Variants in GOLT1B observed in about 807,000 individuals in gnomAD.
GOLT1B encodes golgi transport 1B, also known as vesicle transport protein GOT1B.
In GOLT1B, 3 loss-of-function variants were observed where a neutral mutation model predicts 15.4. That is an observed-to-expected ratio of 0.19 (90% CI 0.09 to 0.50). GOLT1B has a LOEUF of 0.50. GOLT1B is among the 20% of genes least tolerant of loss of function. The probability of loss-of-function intolerance (pLI) is 0.97; values close to 1 mark genes in which losing one functional copy is unlikely to be tolerated. For missense variants in GOLT1B, 145 were observed against 160.4 expected, an observed-to-expected ratio of 0.90 and a Z score of 0.52; for synonymous variants, 65 against 56.2, an observed-to-expected ratio of 1.16 and a Z score of -0.70.
intron 4 of GOLT1B, among the ~76,000 whole-genome samples, chr12:21,512,943 A>G (rs7135694): frequency 0.91 from 138,634 of 152,010 alleles, 63,320 homozygotes; most frequent in Non-Finnish European, 0.93. Context: ...TGGTATGCCT[A>G]TAGTCCCAGC....
Position 21,501,927 on chromosome 12 carries a change from A to T in GOLT1B, c.4A>T (p.Ile2Phe), listed in dbSNP as rs1425838291. The T allele has an allele frequency of 1.2e-6, 2 of 1,608,502 alleles. No homozygotes were observed. Among genetic ancestry groups the T allele is most frequent in the Non-Finnish European group, 1.7e-6 (2 of 1,175,104 alleles). The change falls in exon 1 of 5, where the codon ATC (isoleucine) becomes TTC (phenylalanine). Residue 2 changes from isoleucine (I) to phenylalanine (F), a missense_variant. Physicochemically the swap from Ile to Phe is conservative, Grantham distance 21 (BLOSUM62 0). Transcript: ENST00000229314. M[I>F]SLTDTQKIGM... Reference sequence around the variant, plus strand: ...CGCTGTCCCCACCACTGCAGCCATGATCTCCTTAACGGACACGCAGAGTAA... The same window carrying T: ...CGCTGTCCCCACCACTGCAGCCATGTTCTCCTTAACGGACACGCAGAGTAA...
chr12:21,506,712 ATAAT>A (rs1314423644), intron 1 of GOLT1B, among the ~76,000 whole-genome samples, 169 bp from the exon 2 acceptor site: 1 of 152,052 alleles, frequency 6.6e-6, no homozygotes, highest in African/African-American at 2.4e-5. Flanking sequence ...TAATTTGCTG[ATAAT>A]TAATTTGTTA....
Position 21,508,458 on chromosome 12 carries a change from A to G in GOLT1B, c.193A>G (p.Met65Val), listed in dbSNP as rs762173690. 33 of 1,595,282 alleles carry G rather than the reference A, an allele frequency of 2.1e-5. No individual in the cohort carries two copies. The highest frequency in any genetic ancestry group is 2.8e-5 in the Non-Finnish European group (33 of 1,163,828). ...TFRFFFQKHK[M>V]KATGFFLGGV... ...CAGATTCTTCTTCCAAAAACATAAA[A>G]TGAAAGCTACAGGTTTTTTTCTGGG... The change falls in exon 3 of 5, where the codon ATG becomes GTG. Residue 65 changes from methionine to valine, a missense_variant. Physicochemically the swap from Met to Val is conservative, Grantham distance 21. Coordinates refer to ENST00000229314, the MANE Select transcript of GOLT1B (RefSeq NM_016072.5).
chr12:21,508,627 A>G, intron 3 of GOLT1B, 66 bp downstream of exon 3: 3 of 789,824 alleles, frequency 3.8e-6, no homozygotes, highest in Non-Finnish European at 6.5e-6. Context: ...AAACTCAGAT[A>G]TTTGCATCAG....
At chr12:21,509,923 A>C (rs1943707925) in intron 3 of GOLT1B, among the ~76,000 whole-genome samples, 1 of 152,206 alleles carries the variant, frequency 6.6e-6, no homozygotes, top group Non-Finnish European at 1.5e-5. Context: ...ACTTTCTTTG[A>C]TGACTTGTTG....
At chr12:21,514,828 G>A (rs527961985) in intron 4 of GOLT1B, among the ~76,000 whole-genome samples, 7 of 151,820 alleles carry the variant, frequency 4.6e-5, no homozygotes, top group South Asian at 2.1e-4. Flanking sequence ...GTTTCTTATC[G>A]TTATTCATCA....
intron 3 of GOLT1B, 136 bp from the exon 4 acceptor site, chr12:21,512,159 T>A (rs1943724625): frequency 1.7e-6 from 1 of 598,082 alleles, no homozygotes; most frequent in East Asian, 2.8e-5. Context: ...TTTAATTAAG[T>A]TTGTAGTTAT....
chr12:21,505,271 T>C (rs1943671294), intron 1 of GOLT1B, among the ~76,000 whole-genome samples: 2 of 152,192 alleles, frequency 1.3e-5, no homozygotes, highest in South Asian at 4.1e-4. Context: ...TCAAGGTTAT[T>C]TGTGAAATGA....
intron 1 of GOLT1B, among the ~76,000 whole-genome samples, chr12:21,506,023 A>G (rs952212104): frequency 6.6e-5 from 8 of 120,674 alleles, no homozygotes; most frequent in African/African-American, 2.2e-4. Context: ...CAAGATAAAC[A>G]TAGACTTTAA....
rs565216989 is a variant in GOLT1B at position 21,512,983 on chromosome 12, C to T, written c.378+607C>T. Among the ~76,000 whole-genome samples, 3 of 148,856 alleles carry T rather than the reference C, an allele frequency of 2.0e-5. No individual in the cohort carries two copies. The South Asian group carries it at 6.3e-4, about 31-fold the overall frequency. On this transcript the variant is annotated intron_variant, in intron 4 of 4. Transcript: ENST00000229314. ...CGAGAGACTGAGGTGAGAGGATTGGCTTGGGCCTAGGGGGTCAAGGCTGCA... is the reference window on the plus strand; with the variant it reads ...CGAGAGACTGAGGTGAGAGGATTGGTTTGGGCCTAGGGGGTCAAGGCTGCA...
chr12:21,514,851 A>G (rs896986316), intron 4 of GOLT1B, among the ~76,000 whole-genome samples: 8 of 152,160 alleles, frequency 5.3e-5, no homozygotes, highest in African/African-American at 1.7e-4. Flanking sequence ...ATAAGTGCTT[A>G]TGTAAACATG....
intron 2 of GOLT1B, among the ~76,000 whole-genome samples, chr12:21,507,541 TAC>T (rs1565581544): frequency 4.6e-5 from 7 of 150,708 alleles, no homozygotes; most frequent in African/African-American, 9.7e-5. Flanking sequence ...TATATATATA[TAC>T]ACACACACAT....
chr12:21,504,652 C>T, intron 1 of GOLT1B: 1 of 399,624 alleles, frequency 2.5e-6, no homozygotes. Flanking sequence ...GAACAAGTTA[C>T]TGAATTACCT....
At chr12:21,505,074 TC>T in intron 1 of GOLT1B, among the ~76,000 whole-genome samples, 1 of 152,304 alleles carries the variant, frequency 6.6e-6, no homozygotes, top group South Asian at 2.1e-4. Context: ...TCTCTAAACT[TC>T]AATTTCCTCC....
intron 2 of GOLT1B, chr12:21,507,351 A>T (rs546399855): frequency 7.0e-4 from 145 of 208,254 alleles, no homozygotes; most frequent in African/African-American, 3.4e-3. Flanking sequence ...TGCATAAGAT[A>T]GATTTTTTTA....
At chr12:21,509,895 C>A (rs898593915) in intron 3 of GOLT1B, among the ~76,000 whole-genome samples, 1 of 152,100 alleles carries the variant, frequency 6.6e-6, no homozygotes, top group Non-Finnish European at 1.5e-5. Context: ...GAAAATGAAG[C>A]CTGGAGCCAG....
In GOLT1B at chr12:21,504,921, G is replaced by A. The variant is rs925916124; in HGVS notation, c.26-1964G>A. 1.2e-4 allele frequency among the ~76,000 whole-genome samples: 18 copies of A among 152,242 alleles called. 1 individual carries two copies. The highest frequency in any genetic ancestry group is 2.6e-4 in the Admixed American group (4 of 15,300). On this transcript the variant is annotated intron_variant, in intron 1 of 4. Coordinates refer to ENST00000229314, the MANE Select transcript of GOLT1B (RefSeq NM_016072.5). ...ATACTCCAGTGTCCTTGAGTTTCAT[G>A]TAACCAAACACCTTTAACCTAAAAA...
intron 1 of GOLT1B, chr12:21,504,642 G>C (rs1323372284): frequency 4.7e-6 from 2 of 422,272 alleles, no homozygotes; most frequent in Non-Finnish European, 9.5e-6. Context: ...CTATGATCAA[G>C]AACAAGTTAC....
chr12:21,507,983 G>A (rs1042667206), intron 2 of GOLT1B: 1 of 453,590 alleles, frequency 2.2e-6, no homozygotes, highest in African/African-American at 2.0e-5. Flanking sequence ...AGAACCAAGA[G>A]GAATACCCTT....
Sources: allele counts gnomAD v4.1 joint callset (sites outside exome capture counted in the v4.1 genomes callset), GRCh38; gene constraint gnomAD v4.1.1; transcripts MANE v1.5; gene names NCBI Gene and HGNC (gene_info 2026-07-23, HGNC 2026-07-21).